The following ABTB2 variants were observed in gnomAD, a reference collection of about 807,000 sequenced individuals.
ABTB2 encodes ankyrin repeat and BTB/POZ domain-containing protein 2.
A neutral mutation model predicts 104.1 loss-of-function variants in ABTB2; 56 were observed. The observed-to-expected ratio is 0.54, with a 90% confidence interval of 0.43 to 0.67. The LOEUF is 0.67. ABTB2 is among the 30% of genes least tolerant of loss of function. ABTB2 has a pLI of 0.00. For missense variants in ABTB2, 1,279 were observed against 1,407.7 expected (o/e 0.91, Z 1.46); for synonymous variants, 606 against 608.2 (o/e 1.00, Z 0.05).
At position 34,163,181 on chromosome 11, in the gene ABTB2, T is replaced by A. The variant is rs967954916; in HGVS notation, c.1989-376A>T. ...TCACTATATCACACTTTCCTGGGGC[T>A]TATGTGAGGCTGATGTAAAGGGTTT... On this transcript the variant is annotated intron_variant, in intron 9 of 16. Coordinates refer to ENST00000435224, the MANE Select transcript of ABTB2 (RefSeq NM_145804.3). Among the ~76,000 whole-genome samples the A allele has an allele frequency of 3.7e-4, 56 of 152,288 alleles. No individual in the cohort carries two copies. The East Asian group carries it at 9.1e-3, about 25-fold the overall frequency.
In ABTB2 at chr11:34,335,668, T is replaced by C. The variant is rs146333656; in HGVS notation, c.883+21033A>G. ...ATTCACATATTGTGTCATCACAAAC[T>C]TGTGTCTTTCACTTGATAAAGTTTC... On this transcript the variant is annotated intron_variant, in intron 1 of 16. Transcript: ENST00000435224. 1,865 of 1,417,064 alleles carry C rather than the reference T, an allele frequency of 1.3e-3. 21 individuals are homozygous for C. The African/African-American group carries it at 0.023, about 18-fold the overall frequency. 87.8% of individuals were successfully genotyped at this position (1,417,064 alleles called of 1,614,324 possible). A position where few individuals can be genotyped will look rare whatever the true frequency, so the allele number is the denominator to read the frequency against.
chr11:34,285,580 G>A (rs1430805686), intron 1 of ABTB2, among the ~76,000 whole-genome samples: 27 of 152,176 alleles, frequency 1.8e-4, no homozygotes, highest in Admixed American at 1.8e-3. Flanking sequence ...GGCCAGGCGA[G>A]GGTTCATCCT....
At chr11:34,202,722 C>T (rs896766623) in intron 2 of ABTB2, among the ~76,000 whole-genome samples, 4 of 152,118 alleles carry the variant, frequency 2.6e-5, no homozygotes, top group African/African-American at 9.7e-5. Context: ...CACCTATAGT[C>T]CCAGCTACTA....
intron 1 of ABTB2, among the ~76,000 whole-genome samples, chr11:34,261,403 T>G (rs916569244): frequency 6.6e-6 from 1 of 152,206 alleles, no homozygotes; most frequent in African/African-American, 2.4e-5. Context: ...AGTCTGTTTT[T>G]TTCATACATT....
At chr11:34,181,241 C>T (rs1278930138) in intron 3 of ABTB2, among the ~76,000 whole-genome samples, 1 of 53,508 alleles carries the variant, frequency 1.9e-5, no homozygotes. Context: ...GCCTGGAAAA[C>T]AAACAAACAA....
At chr11:34,227,043 G>A (rs578001418) in intron 1 of ABTB2, among the ~76,000 whole-genome samples, 3 of 152,130 alleles carry the variant, frequency 2.0e-5, no homozygotes, top group African/African-American at 7.2e-5. Flanking sequence ...GCCTGAAAAA[G>A]ACTCTGTCTC....
chr11:34,311,106 G>A (rs898756888), intron 1 of ABTB2, among the ~76,000 whole-genome samples: 2 of 152,096 alleles, frequency 1.3e-5, no homozygotes, highest in Non-Finnish European at 2.9e-5. Context: ...GAGAAGAGGC[G>A]GCTCCTCAGA....
rs60681759 is a variant in ABTB2, at chr11:34,246,601, C to CAAAAAAAAAA, written c.884-41921_884-41912dup. 1.4e-4 allele frequency among the ~76,000 whole-genome samples: 5 copies of CAAAAAAAAAA among 34,776 alleles called. 1 individual carries two copies. Among genetic ancestry groups the CAAAAAAAAAA allele is most frequent in the Admixed American group, 5.0e-4 (1 of 2,000 alleles). 22.8% of individuals were successfully genotyped at this position (34,776 alleles called of 152,430 possible). On this transcript the variant is annotated intron_variant, in intron 1 of 16. Transcript: ENST00000435224. Reference sequence around the variant, plus strand: ...GGGCAATAAGAGTGAAACTCCATCTCAAAAAAAAAAAAAAAAAAAAAAAAA... The same window carrying CAAAAAAAAAA: ...GGGCAATAAGAGTGAAACTCCATCTCAAAAAAAAAAAAAAAAAAAAAAAAAAAAAAAAAAA...
In ABTB2 at chr11:34,357,171, C is replaced by A. The variant is rs1421036673; in HGVS notation, c.413G>T (p.Arg138Leu). ...CAGGCGCTGCGCCTCGCGGGCCACG[C>A]GGATCAGTGCCCTGCGGAGCAGCCC... ...LAGLLRRALIRVAREAQRLSV... is the reference protein window; with the variant it reads ...LAGLLRRALILVAREAQRLSV... Residue 138 changes from arginine to leucine, a missense_variant, in exon 1 of 17, where the codon CGC becomes CTC. Arg to Leu is a moderately radical substitution (Grantham distance 102). Transcript: ENST00000435224. 4 of 1,499,796 alleles carry A rather than the reference C, an allele frequency of 2.7e-6. No homozygotes were observed. The highest frequency in any genetic ancestry group is 1.4e-5 in the African/African-American group (1 of 70,054). 92.9% of individuals were successfully genotyped at this position (1,499,796 alleles called of 1,614,324 possible). A position where few individuals can be genotyped will look rare whatever the true frequency, so the allele number is the denominator to read the frequency against.
In ABTB2 at chr11:34,357,155, C is replaced by A; in HGVS notation, c.429G>T (p.Ala143=). The change falls in exon 1 of 17, where the codon GCG becomes GCT. Residue 143 remains alanine (A), a synonymous_variant. Transcript: ENST00000435224. ...RRALIRVARE[A]QRLSVLHAKC... ...TGGCGTGCAGCACGCTCAGGCGCTG[C>A]GCCTCGCGGGCCACGCGGATCAGTG... 6.7e-7 allele frequency: 1 copy of A among 1,490,968 alleles called. No individual in the cohort carries two copies. Among genetic ancestry groups the A allele is most frequent in the Non-Finnish European group, 8.9e-7 (1 of 1,129,400 alleles). The allele number at this position is 1,490,968 out of a possible 1,614,324, so 92.4% of individuals were successfully genotyped here.
chr11:34,263,897 C>T (rs996714588), intron 1 of ABTB2, among the ~76,000 whole-genome samples: 4 of 152,228 alleles, frequency 2.6e-5, no homozygotes, highest in Middle Eastern at 3.4e-3. Flanking sequence ...ATTTGTGGCA[C>T]GGGAGGGAGA....
At chr11:34,293,827 C>A (rs144600643) in intron 1 of ABTB2, among the ~76,000 whole-genome samples, 5,565 of 152,130 alleles carry the variant, frequency 0.037, 132 homozygotes, top group Non-Finnish European at 0.058. Context: ...TGGGTTCAAG[C>A]GATTCTCCTG....
intron 1 of ABTB2, among the ~76,000 whole-genome samples, chr11:34,341,399 G>A (rs1855260919): frequency 6.6e-6 from 1 of 152,110 alleles, no homozygotes; most frequent in Admixed American, 6.6e-5. Flanking sequence ...GAGAAGCTGG[G>A]GAATGGTTGA....
chr11:34,246,556 G>A (rs913026559), intron 1 of ABTB2, among the ~76,000 whole-genome samples: 1 of 117,956 alleles, frequency 8.5e-6, no homozygotes, highest in Non-Finnish European at 1.6e-5. Context: ...AGCCGAGATC[G>A]CACCATTGCA....
Position 34,356,706 on chromosome 11 carries a change from G to C in ABTB2, c.878C>G (p.Ala293Gly). ...PYEHLICGKN[A>G]NGVLSLPAYF... ...TCCGAGGCCCGCGCGCTTACCATTG[G>C]CGTTCTTGCCGCAGATGAGATGCTC... Residue 293 changes from alanine to glycine, a missense_variant, in exon 1 of 17, where the codon GCC (alanine) becomes GGC (glycine). By Grantham distance (60) the Ala-to-Gly change is moderately conservative. Transcript: ENST00000435224. This position sits in a 1 kb window ranked among gnomAD's most constrained non-coding sequence, Gnocchi z 4.6. 6.3e-7 allele frequency: 1 copy of C among 1,588,436 alleles called. No individual in the cohort carries two copies. The highest frequency in any genetic ancestry group is 1.1e-5 in the South Asian group (1 of 89,370).
At chr11:34,239,395 A>T (rs1853886354) in intron 1 of ABTB2, among the ~76,000 whole-genome samples, 2 of 151,972 alleles carry the variant, frequency 1.3e-5, no homozygotes, top group African/African-American at 4.8e-5. Context: ...GTGCAGTGGT[A>T]TTATGATCAC....
rs1855466502 is a variant in ABTB2 at position 34,356,581 on chromosome 11, C to T, written c.883+120G>A. 4.5e-6 allele frequency: 6 copies of T among 1,340,252 alleles called. No homozygotes were observed. The South Asian group carries it at 6.1e-5, about 14-fold the overall frequency. The allele number at this position is 1,340,252 out of a possible 1,614,324, so 83.0% of individuals were successfully genotyped here. On this transcript the variant is annotated intron_variant, in intron 1 of 16. Coordinates refer to ENST00000435224, the MANE Select transcript of ABTB2 (RefSeq NM_145804.3). This position sits in a 1 kb window ranked among gnomAD's most constrained non-coding sequence, Gnocchi z 4.6. Reference sequence around the variant, plus strand: ...TAATGAACCCTATCCTCAGACCAAACGTTTTCTCCCAAAGAACTGGCACAG... The same window carrying T: ...TAATGAACCCTATCCTCAGACCAAATGTTTTCTCCCAAAGAACTGGCACAG...
chr11:34,211,574 T>A (rs987833668), intron 1 of ABTB2, among the ~76,000 whole-genome samples: 6 of 151,970 alleles, frequency 3.9e-5, no homozygotes, highest in African/African-American at 1.5e-4. Flanking sequence ...CCAGGAGCTG[T>A]CAATCATCCA....
chr11:34,255,751 A>G (rs981934769), intron 1 of ABTB2, among the ~76,000 whole-genome samples: 1 of 152,200 alleles, frequency 6.6e-6, no homozygotes, highest in Non-Finnish European at 1.5e-5. Context: ...TGCTGAGCTC[A>G]AGTGATCCGC....
Sources: gnomAD v4.1 joint callset for allele counts (sites outside exome capture counted in the v4.1 genomes callset) on GRCh38, gnomAD v4.1.1 for gene constraint, Gnocchi (gnomAD v3.1) non-coding constraint, MANE v1.5 for transcripts, NCBI Gene and HGNC (gene_info 2026-07-23, HGNC 2026-07-21) for gene names.